Variants in UBE2H observed in about 807,000 individuals in gnomAD.
UBE2H encodes ubiquitin conjugating enzyme E2 H, also known as ubiquitin-conjugating enzyme E2 H.
In UBE2H, 3 loss-of-function variants were observed where a neutral mutation model predicts 29.0. The ratio of observed to expected loss-of-function variants is 0.10; its 90% confidence interval spans 0.05 to 0.27. The LOEUF is 0.27. Ranked by LOEUF, UBE2H falls within the 10% of genes least tolerant of loss-of-function variation. UBE2H has a pLI of 1.00. For synonymous variants in UBE2H, 69 were observed against 82.9 expected (o/e 0.83, Z 0.91); for missense variants, 68 against 228.2 (o/e 0.30, Z 4.52).
rs759027909 is a variant in UBE2H at position 129,880,886 on chromosome 7, T to C, written c.130+9A>G. 3 of 1,608,012 alleles carry C rather than the reference T, an allele frequency of 1.9e-6. No homozygotes were observed. Among genetic ancestry groups the C allele is most frequent in the East Asian group, 4.5e-5 (2 of 44,768 alleles). Reference sequence around the variant, plus strand: ...TAATAGAAGAACACATACCAACACATGTACTTACTTCCTTGTGGTCCATAA... The same window carrying C: ...TAATAGAAGAACACATACCAACACACGTACTTACTTCCTTGTGGTCCATAA... On this transcript the variant is annotated intron_variant, in intron 2 of 6. Coordinates refer to ENST00000355621, the MANE Select transcript of UBE2H (RefSeq NM_003344.4).
intron 1 of UBE2H, among the ~76,000 whole-genome samples, chr7:129,931,379 C>T (rs1282074086): frequency 2.0e-5 from 3 of 151,596 alleles, no homozygotes; most frequent in African/African-American, 7.3e-5. Flanking sequence ...CAGAGTAAGA[C>T]TCTGTCTTGG....
intron 1 of UBE2H, among the ~76,000 whole-genome samples, chr7:129,890,487 C>A (rs1428914025): frequency 6.6e-6 from 1 of 152,050 alleles, no homozygotes; most frequent in Admixed American, 6.6e-5. Flanking sequence ...TGAAGCGATT[C>A]TCCTGCCTCA....
At chr7:129,934,181 G>A (rs1807467606) in intron 1 of UBE2H, among the ~76,000 whole-genome samples, 1 of 152,014 alleles carries the variant, frequency 6.6e-6, no homozygotes, top group East Asian at 1.9e-4. Flanking sequence ...AATTATCCGG[G>A]CATTATAGCA....
At chr7:129,896,566 C>T (rs146937134) in intron 1 of UBE2H, among the ~76,000 whole-genome samples, 4 of 152,020 alleles carry the variant, frequency 2.6e-5, no homozygotes, top group Admixed American at 1.3e-4. Context: ...TCAGCACATC[C>T]GGCTCATTTT....
chr7:129,835,007 G>A lies in UBE2H; in HGVS notation c.482C>T (p.Thr161Ile). 1 of 1,614,060 alleles carries A rather than the reference G, an allele frequency of 6.2e-7. No homozygotes were observed. The highest frequency in any genetic ancestry group is 8.5e-7 in the Non-Finnish European group (1 of 1,180,018). ...EEALKEQEEG[T>I]GDSSSESSMS... Reference sequence around the variant, plus strand: ...AGAGCTCTCCGATGAGCTGTCCCCGGTACCCTCTTCCTGTTCTTTCAGCGC... The same window carrying A: ...AGAGCTCTCCGATGAGCTGTCCCCGATACCCTCTTCCTGTTCTTTCAGCGC... The change falls in exon 7 of 7, where the codon ACC (threonine) becomes ATC (isoleucine). Residue 161 changes from threonine (T) to isoleucine (I), a missense_variant. By Grantham distance (89) the Thr-to-Ile change is moderately conservative. Around this residue, in one of 3 missense-constraint regions of UBE2H, gnomAD observed 25 missense variants for 32.4 expected, o/e 0.77. Transcript: ENST00000355621.
At chr7:129,896,199 T>A (rs557883514) in intron 1 of UBE2H, among the ~76,000 whole-genome samples, 1 of 151,480 alleles carries the variant, frequency 6.6e-6, no homozygotes, top group Non-Finnish European at 1.5e-5. Context: ...TAGCTGGACG[T>A]GGTGGCGGGC....
At chr7:129,930,232 G>C (rs1029046001) in intron 1 of UBE2H, among the ~76,000 whole-genome samples, 4 of 152,024 alleles carry the variant, frequency 2.6e-5, no homozygotes, top group Admixed American at 2.0e-4. Context: ...CACGATCTCG[G>C]CTCACTGCAA....
chr7:129,928,595 T>G (rs1450991062), intron 1 of UBE2H, among the ~76,000 whole-genome samples: 1 of 152,204 alleles, frequency 6.6e-6, no homozygotes, highest in African/African-American at 2.4e-5. Flanking sequence ...AAAGCGAGAC[T>G]CCGTCTCAAA....
Position 129,952,913 on chromosome 7 carries a change from A to C in UBE2H, c.-358T>G. On this transcript the variant is annotated 5_prime_UTR_variant, in exon 1 of 7. Coordinates refer to ENST00000355621, the MANE Select transcript of UBE2H (RefSeq NM_003344.4). ...ACCGGCTCCTAGCAGCCTCCACTAT[A>C]AGCGGACGACTCCTGCTCAGTCGGC... The C allele has an allele frequency of 1.8e-5, 3 of 168,664 alleles. No individual in the cohort carries two copies. Among genetic ancestry groups the C allele is most frequent in the Non-Finnish European group, 3.8e-5 (3 of 79,220 alleles). The allele number at this position is 168,664 out of a possible 1,614,324, so 10.4% of individuals were successfully genotyped here.
chr7:129,932,030 G>C (rs951071852), intron 1 of UBE2H, among the ~76,000 whole-genome samples: 4 of 151,292 alleles, frequency 2.6e-5, no homozygotes, highest in Non-Finnish European at 4.4e-5. Flanking sequence ...CACTGTGTTG[G>C]CCAAGCTAGT....
At chr7:129,871,901 T>C (rs1335132646) in intron 3 of UBE2H, among the ~76,000 whole-genome samples, 1 of 152,024 alleles carries the variant, frequency 6.6e-6, no homozygotes, top group East Asian at 1.9e-4. Flanking sequence ...GGCTGGAGTG[T>C]AGCAGCGCCA....
intron 1 of UBE2H, among the ~76,000 whole-genome samples, chr7:129,887,333 T>C (rs1806384359): frequency 6.6e-6 from 1 of 151,116 alleles, no homozygotes; most frequent in African/African-American, 2.4e-5. Context: ...GCGATTCTCC[T>C]GCCTCAGTCT....
At chr7:129,868,346 C>T (rs1488570848) in intron 3 of UBE2H, among the ~76,000 whole-genome samples, 3 of 151,784 alleles carry the variant, frequency 2.0e-5, no homozygotes, top group South Asian at 4.2e-4. Flanking sequence ...TTTGGGAGGC[C>T]GAGGCGGGTG....
chr7:129,944,715 AAC>A (rs57825154), intron 1 of UBE2H, among the ~76,000 whole-genome samples: 9,169 of 143,982 alleles, frequency 0.064, 322 homozygotes, highest in East Asian at 0.1. Flanking sequence ...ATGCGCTCAA[AAC>A]ACACACACAC....
chr7:129,911,600 A>T (rs1023711238), intron 1 of UBE2H, among the ~76,000 whole-genome samples: 1 of 152,128 alleles, frequency 6.6e-6, no homozygotes, highest in African/African-American at 2.4e-5. Context: ...CCTAGAGTTT[A>T]GGAAACAACA....
At chr7:129,946,896 C>T (rs1807776013) in intron 1 of UBE2H, among the ~76,000 whole-genome samples, 1 of 152,176 alleles carries the variant, frequency 6.6e-6, no homozygotes, top group Admixed American at 6.5e-5. Context: ...ACGTTGCAAA[C>T]ATTATAACGT....
intron 1 of UBE2H, among the ~76,000 whole-genome samples, chr7:129,891,252 C>G (rs1165226625): frequency 1.3e-5 from 2 of 151,726 alleles, no homozygotes; most frequent in African/African-American, 4.8e-5. Flanking sequence ...ATGGTGCCAT[C>G]TTGGCTCACC....
intron 5 of UBE2H, among the ~76,000 whole-genome samples, chr7:129,848,221 T>A (rs1051431948): frequency 6.6e-6 from 1 of 152,082 alleles, no homozygotes; most frequent in East Asian, 1.9e-4. Context: ...AGACTCTGTC[T>A]CAAACAAAAA....
intron 3 of UBE2H, among the ~76,000 whole-genome samples, chr7:129,862,213 G>A (rs1395905191): frequency 2.0e-5 from 3 of 152,190 alleles, no homozygotes; most frequent in Non-Finnish European, 2.9e-5. Flanking sequence ...CCTACTATAT[G>A]AAAAATATTG....
Sources: allele counts gnomAD v4.1 joint callset (sites outside exome capture counted in the v4.1 genomes callset), GRCh38; gene constraint gnomAD v4.1.1; regional missense constraint gnomAD v4.1.1; transcripts MANE v1.5; gene names NCBI Gene and HGNC (gene_info 2026-07-23, HGNC 2026-07-21).